Variants in SEPHS1 observed in about 807,000 individuals in gnomAD.
SEPHS1 encodes the protein zincore component SEPHS1.
A neutral mutation model predicts 39.2 loss-of-function variants in SEPHS1; 7 were observed. That is an observed-to-expected ratio of 0.18 (90% CI 0.10 to 0.34). The LOEUF (loss-of-function observed/expected upper bound fraction) is 0.34, where lower values mean the gene tolerates loss of function less well. Ranked by LOEUF, SEPHS1 falls within the 10% of genes least tolerant of loss-of-function variation. SEPHS1 has a pLI of 1.00. For synonymous variants in SEPHS1, 190 were observed against 195.5 expected (o/e 0.97, Z 0.23); for missense variants, 253 against 514.5 (o/e 0.49, Z 4.92).
At chr10:13,336,797 A>AAGAAAT (rs1833649352) in intron 3 of SEPHS1, among the ~76,000 whole-genome samples, 1 of 151,920 alleles carries the variant, frequency 6.6e-6, no homozygotes, top group Non-Finnish European at 1.5e-5. Context: ...GATTCTAAAA[A>AAGAAAT]TGGCTGGCTT....
intron 6 of SEPHS1, 89 bp downstream of exon 6, chr10:13,329,609 T>C: frequency 1.0e-6 from 1 of 978,676 alleles, no homozygotes; most frequent in Non-Finnish European, 1.6e-6. Flanking sequence ...GATATGAAAC[T>C]AAAAAACCTC....
Position 13,319,059 on chromosome 10 carries a change from TTTG to T in SEPHS1, c.*80_*82del. 1 of 1,373,228 alleles carries T rather than the reference TTTG, an allele frequency of 7.3e-7. No individual in the cohort carries two copies. The highest frequency in any genetic ancestry group is 2.0e-5 in the Admixed American group (1 of 50,188). The allele number at this position is 1,373,228 out of a possible 1,614,324, so 85.1% of individuals were successfully genotyped here. On this transcript the variant is annotated 3_prime_UTR_variant, in exon 9 of 9. Coordinates refer to ENST00000327347, the MANE Select transcript of SEPHS1 (RefSeq NM_012247.5). ...CCCGATGTGTAGACACAATGAGATT[TTTG>T]TTGTTTATAGTCTTTAATTGAAGTG...
At chr10:13,343,002 T>C (rs770106639) in intron 2 of SEPHS1, among the ~76,000 whole-genome samples, 7 of 152,206 alleles carry the variant, frequency 4.6e-5, no homozygotes, top group African/African-American at 7.2e-5. Context: ...CCCAAAGTGC[T>C]GGGATTACAG....
chr10:13,328,318 C>T (rs779724517), intron 7 of SEPHS1, 33 bp downstream of exon 7: 2 of 1,436,292 alleles, frequency 1.4e-6, no homozygotes, highest in Non-Finnish European at 2.0e-6. Context: ...TCTTGGACCC[C>T]TGGGACCGAA....
chr10:13,332,083 T>A (rs1588540152), intron 5 of SEPHS1, among the ~76,000 whole-genome samples: 1 of 152,212 alleles, frequency 6.6e-6, no homozygotes, highest in South Asian at 2.1e-4. Context: ...AAACTTAGAA[T>A]GTTCATGGCA....
chr10:13,344,676 T>G (rs543228380), intron 2 of SEPHS1, 82 bp downstream of exon 2: 1 of 1,003,706 alleles, frequency 1.0e-6, no homozygotes, highest in African/African-American at 1.6e-5. Flanking sequence ...AAAAAATAAA[T>G]AGGCAACATG....
chr10:13,323,143 G>T (rs1833164731), intron 7 of SEPHS1, 96 bp from the exon 8 acceptor site: 3 of 944,138 alleles, frequency 3.2e-6, no homozygotes, highest in African/African-American at 3.3e-5. Flanking sequence ...TACTTGTCAG[G>T]GAGATGACGT....
chr10:13,328,230 G>A (rs552633473), intron 7 of SEPHS1, 121 bp downstream of exon 7: 17 of 663,258 alleles, frequency 2.6e-5, no homozygotes, highest in Non-Finnish European at 3.5e-5. Flanking sequence ...AGGAGAAGAC[G>A]GTCTGTAGTC....
chr10:13,336,384 C>T (rs372937968), intron 3 of SEPHS1, 34 bp from the exon 4 acceptor site: 8 of 1,506,242 alleles, frequency 5.3e-6, no homozygotes, highest in Admixed American at 3.4e-5. Context: ...AAAGGACGAC[C>T]GGGGACTTTC....
chr10:13,320,783 G>A (rs368322389), intron 8 of SEPHS1, among the ~76,000 whole-genome samples: 51 of 152,140 alleles, frequency 3.4e-4, no homozygotes, highest in African/African-American at 1.2e-3. Context: ...AGCTGAGATC[G>A]CGCCATTGCA....
chr10:13,338,254 T>C (rs1833696559), intron 3 of SEPHS1, among the ~76,000 whole-genome samples: 1 of 152,136 alleles, frequency 6.6e-6, no homozygotes, highest in South Asian at 2.1e-4. Context: ...CATCTAATTG[T>C]GATGAGATAC....
rs1207702118 is a variant in SEPHS1, at chr10:13,318,706, A to G, written c.*436T>C. 5.4e-6 allele frequency: 1 copy of G among 186,118 alleles called. No homozygotes were observed. Among genetic ancestry groups the G allele is most frequent in the East Asian group, 1.8e-4 (1 of 5,432 alleles). The allele number at this position is 186,118 out of a possible 1,614,324, so 11.5% of individuals were successfully genotyped here. A position where few individuals can be genotyped will look rare whatever the true frequency, so the allele number is the denominator to read the frequency against. ...GGGATACCGTCATGTGCCACTTACCAATGCTGTCTCTCCAGAAAACCATTC... is the reference window on the plus strand; with the variant it reads ...GGGATACCGTCATGTGCCACTTACCGATGCTGTCTCTCCAGAAAACCATTC... On this transcript the variant is annotated 3_prime_UTR_variant, in exon 9 of 9. Coordinates refer to ENST00000327347, the MANE Select transcript of SEPHS1 (RefSeq NM_012247.5).
intron 5 of SEPHS1, among the ~76,000 whole-genome samples, 172 bp downstream of exon 5, chr10:13,333,645 T>A (rs1219431950): frequency 2.0e-5 from 3 of 152,162 alleles, no homozygotes; most frequent in African/African-American, 7.2e-5. Flanking sequence ...TTCGCCACAT[T>A]GGCCAGGCTG....
intron 5 of SEPHS1, 99 bp from the exon 6 acceptor site, chr10:13,329,887 T>A: frequency 9.7e-7 from 1 of 1,034,156 alleles, no homozygotes; most frequent in Non-Finnish European, 1.4e-6. Context: ...AAAATATATC[T>A]GCCTTTGCAT....
intron 6 of SEPHS1, among the ~76,000 whole-genome samples, chr10:13,329,487 C>T (rs1833405847): frequency 6.6e-6 from 1 of 152,156 alleles, no homozygotes; most frequent in African/African-American, 2.4e-5. Flanking sequence ...CTTAAAGCTC[C>T]AAGCTGGGGC....
At chr10:13,322,007 G>A (rs1380699228) in intron 8 of SEPHS1, 3 of 453,932 alleles carry the variant, frequency 6.6e-6, no homozygotes, top group African/African-American at 2.0e-5. Flanking sequence ...CTCTACCTAC[G>A]CTTGCTCCAT....
intron 2 of SEPHS1, among the ~76,000 whole-genome samples, chr10:13,342,555 C>T (rs1833822946): frequency 1.3e-5 from 2 of 152,146 alleles, no homozygotes; most frequent in Non-Finnish European, 2.9e-5. Flanking sequence ...CACTGCACTC[C>T]AGCCTGGGCG....
At chr10:13,336,117 GA>G (rs1833625221) in intron 4 of SEPHS1, 125 bp downstream of exon 4, 4 of 590,818 alleles carry the variant, frequency 6.8e-6, no homozygotes, top group Non-Finnish European at 1.2e-5. Context: ...TGGAGAGCCA[GA>G]AGGAGTGCAG....
chr10:13,338,454 T>C (rs1305340871), intron 3 of SEPHS1, among the ~76,000 whole-genome samples: 1 of 152,156 alleles, frequency 6.6e-6, no homozygotes, highest in African/African-American at 2.4e-5. Flanking sequence ...ACTCACAGCA[T>C]GTACTCAGTT....
Sources: allele counts gnomAD v4.1 joint callset (sites outside exome capture counted in the v4.1 genomes callset), GRCh38; gene constraint gnomAD v4.1.1; transcripts MANE v1.5; gene names NCBI Gene and HGNC (gene_info 2026-07-23, HGNC 2026-07-21).